The following KDM4B variants were observed in gnomAD, a reference collection of about 807,000 sequenced individuals.
KDM4B encodes the protein lysine-specific demethylase 4B.
In KDM4B, 32 loss-of-function variants were observed where a neutral mutation model predicts 125.2. That is an observed-to-expected ratio of 0.26 (90% CI 0.19 to 0.34). The LOEUF (loss-of-function observed/expected upper bound fraction) is 0.34. KDM4B is among the 10% of genes least tolerant of loss of function. The pLI, the probability that KDM4B is intolerant of heterozygous loss-of-function variation, is 1.00. For missense variants in KDM4B, 1,190 were observed against 1,577.7 expected (o/e 0.75, Z 4.16); for synonymous variants, 721 against 677.9 (o/e 1.06, Z -0.99).
intron 1 of KDM4B, among the ~76,000 whole-genome samples, chr19:5,011,633 C>T (rs894372158): frequency 8.5e-5 from 13 of 152,180 alleles, no homozygotes; most frequent in African/African-American, 1.9e-4. Flanking sequence ...CAGGCAACCT[C>T]GCCAGGCGTG....
intron 10 of KDM4B, 57 bp downstream of exon 10, chr19:5,110,875 T>C: frequency 7.0e-7 from 1 of 1,435,628 alleles, no homozygotes; most frequent in Admixed American, 2.3e-5. Flanking sequence ...GTGGCCCTGC[T>C]GGGTGGCCCA....
chr19:5,064,292 C>T (rs2037697904), intron 6 of KDM4B, among the ~76,000 whole-genome samples: 1 of 152,248 alleles, frequency 6.6e-6, no homozygotes. Flanking sequence ...CTCTGCCTCC[C>T]TCATTCTGTG....
At position 5,082,362 on chromosome 19, in the gene KDM4B, T is replaced by C; in HGVS notation, c.781-5T>C. Reference sequence around the variant, plus strand: ...TGCCCTCACCTGTCTCCTTTCCCTCTGCAGATCACGCAGGAGGCCGGGGAA... The same window carrying C: ...TGCCCTCACCTGTCTCCTTTCCCTCCGCAGATCACGCAGGAGGCCGGGGAA... On this transcript the variant is annotated splice_region_variant and splice_polypyrimidine_tract_variant and intron_variant, in intron 8 of 22. Coordinates refer to ENST00000159111, the MANE Select transcript of KDM4B (RefSeq NM_015015.3). This position sits in a 1 kb window ranked among gnomAD's most constrained non-coding sequence, Gnocchi z 5.4. 1 of 1,613,436 alleles carries C rather than the reference T, an allele frequency of 6.2e-7. No individual in the cohort carries two copies. The highest frequency in any genetic ancestry group is 1.3e-5 in the African/African-American group (1 of 75,012).
chr19:5,043,362 T>TGTCC (rs1249449951), intron 5 of KDM4B, among the ~76,000 whole-genome samples: 4 of 141,858 alleles, frequency 2.8e-5, no homozygotes, highest in Non-Finnish European at 6.1e-5. Flanking sequence ...GGAGTGGGGG[T>TGTCC]GTCCACCTTA....
Position 5,135,412 on chromosome 19 carries a change from G to C in KDM4B, c.2159G>C (p.Ser720Thr). The C allele has an allele frequency of 6.2e-7, 1 of 1,613,692 alleles. No individual in the cohort carries two copies. Among genetic ancestry groups the C allele is most frequent in the South Asian group, 1.1e-5 (1 of 91,088 alleles). Residue 720 changes from serine to threonine, a missense_variant, in exon 15 of 23, where the codon AGC becomes ACC. Physicochemically the swap from Ser to Thr is moderately conservative, Grantham distance 58. Around this residue, in one of 7 missense-constraint regions of KDM4B, gnomAD observed 128 missense variants for 137.8 expected, o/e 0.93. Transcript: ENST00000159111. ...TGCCCGGCCACATTACCCTCCAAAAGCCGTCAGAAGACCCGACCGCTCATC... is the reference window on the plus strand; with the variant it reads ...TGCCCGGCCACATTACCCTCCAAAACCCGTCAGAAGACCCGACCGCTCATC... ...EGCPATLPSK[S>T]RQKTRPLIPE...
In KDM4B at chr19:5,023,702, TC is replaced by T. The variant is rs777547469; in HGVS notation, c.-26+7365del. ...GAGGGCTCGAGGGAGCCCCCACACT[TC>T]CTACCCACAGAGGAGGGCCTGATAC... On this transcript the variant is annotated intron_variant, in intron 2 of 22. Coordinates refer to ENST00000159111, the MANE Select transcript of KDM4B (RefSeq NM_015015.3). Among the ~76,000 whole-genome samples the T allele has an allele frequency of 1.2e-4, 18 of 151,388 alleles. No homozygotes were observed. In the South Asian group the frequency reaches 2.3e-3, roughly 19 times the overall value.
At chr19:5,014,553 G>A (rs1013814029) in intron 1 of KDM4B, among the ~76,000 whole-genome samples, 1 of 152,100 alleles carries the variant, frequency 6.6e-6, no homozygotes, top group Non-Finnish European at 1.5e-5. Flanking sequence ...GGGATTACAG[G>A]CGTGAGCCAC....
intron 6 of KDM4B, among the ~76,000 whole-genome samples, chr19:5,054,296 G>C (rs770485532): frequency 9.2e-5 from 14 of 152,154 alleles, no homozygotes; most frequent in Non-Finnish European, 2.1e-4. Context: ...GCCTGGGCTG[G>C]TCTCGAACTC....
Position 5,114,322 on chromosome 19 carries a change from T to G in KDM4B, c.1115+3504T>G. 2.1e-6 allele frequency: 2 copies of G among 970,168 alleles called. No individual in the cohort carries two copies. The highest frequency in any genetic ancestry group is 2.9e-6 in the Non-Finnish European group (2 of 696,874). The allele number at this position is 970,168 out of a possible 1,614,324, so 60.1% of individuals were successfully genotyped here. A position where few individuals can be genotyped will look rare whatever the true frequency, so the allele number is the denominator to read the frequency against. ...GGCTGGGCCCAGGCCTCGTCTCCCC[T>G]ACCCCTCCGAGCTCGGTGCTGCCTG... On this transcript the variant is annotated intron_variant, in intron 10 of 22. Coordinates refer to ENST00000159111, the MANE Select transcript of KDM4B (RefSeq NM_015015.3). The surrounding 1 kb of genome is among the most constrained non-coding windows in gnomAD (Gnocchi z 5.8).
chr19:5,116,886 A>G (rs992812997), intron 10 of KDM4B, among the ~76,000 whole-genome samples: 10 of 152,194 alleles, frequency 6.6e-5, no homozygotes, highest in African/African-American at 2.4e-4. Context: ...AAGGATGGCC[A>G]CACCCTCAAC....
At chr19:4,991,890 A>G (rs1032804008) in intron 1 of KDM4B, among the ~76,000 whole-genome samples, 5 of 152,172 alleles carry the variant, frequency 3.3e-5, no homozygotes, top group Admixed American at 1.3e-4. Flanking sequence ...TTCGCTTGCA[A>G]TCTGTCGAAG....
intron 1 of KDM4B, among the ~76,000 whole-genome samples, chr19:5,015,851 C>T (rs533936309): frequency 6.6e-6 from 1 of 152,246 alleles, no homozygotes; most frequent in Non-Finnish European, 1.5e-5. Flanking sequence ...CCTCTCTCCC[C>T]GTGCTCTGCC....
At chr19:4,985,241 T>G (rs1374589665) in intron 1 of KDM4B, among the ~76,000 whole-genome samples, 1 of 152,102 alleles carries the variant, frequency 6.6e-6, no homozygotes, top group African/African-American at 2.4e-5. Flanking sequence ...GGAGAATCTC[T>G]TGAGCCTGTG....
At chr19:4,982,644 A>G (rs1379512105) in intron 1 of KDM4B, among the ~76,000 whole-genome samples, 4 of 146,658 alleles carry the variant, frequency 2.7e-5, no homozygotes, top group African/African-American at 7.6e-5. Flanking sequence ...GCGGAGTCTC[A>G]CTGTGTCAAC....
At chr19:4,980,045 C>A (rs1172783189) in intron 1 of KDM4B, among the ~76,000 whole-genome samples, 1 of 152,008 alleles carries the variant, frequency 6.6e-6, no homozygotes, top group Non-Finnish European at 1.5e-5. Flanking sequence ...GCGGAGGCTG[C>A]AGTGAGCTGA....
intron 5 of KDM4B, among the ~76,000 whole-genome samples, chr19:5,043,534 G>T (rs1385688658): frequency 2.2e-4 from 32 of 143,612 alleles, no homozygotes; most frequent in Non-Finnish European, 3.2e-4. Context: ...CATATCCTAC[G>T]TGGTGTTTAT....
rs1197524678 is a variant in KDM4B, at chr19:5,142,608, G to T, written c.2551-1359G>T. Among the ~76,000 whole-genome samples, 1 of 152,008 alleles carries T rather than the reference G, an allele frequency of 6.6e-6. No homozygotes were observed. The highest frequency in any genetic ancestry group is 2.4e-5 in the African/African-American group (1 of 41,402). Reference sequence around the variant, plus strand: ...GCCTGTGGGTGACGTGTTCAAGACGGCTCAGCAACCCCACCTGACAGTGTC... The same window carrying T: ...GCCTGTGGGTGACGTGTTCAAGACGTCTCAGCAACCCCACCTGACAGTGTC... On this transcript the variant is annotated intron_variant, in intron 18 of 22. Coordinates refer to ENST00000159111, the MANE Select transcript of KDM4B (RefSeq NM_015015.3). This position sits in a 1 kb window ranked among gnomAD's most constrained non-coding sequence, Gnocchi z 5.4.
At chr19:5,053,752 CCCCAGGCCCAGTG>C (rs2037305492) in intron 6 of KDM4B, among the ~76,000 whole-genome samples, 1 of 152,242 alleles carries the variant, frequency 6.6e-6, no homozygotes, top group Non-Finnish European at 1.5e-5. Context: ...CAAGTGAGGC[CCCCAGGCCCAGTG>C]CCCAGGCCAG....
intron 3 of KDM4B, among the ~76,000 whole-genome samples, chr19:5,036,670 G>A (rs1328934188): frequency 6.6e-6 from 1 of 152,384 alleles, no homozygotes; most frequent in South Asian, 2.1e-4. Flanking sequence ...CCCCCCAGGA[G>A]CCCCGTGTGA....
Sources: gnomAD v4.1 joint callset for allele counts (sites outside exome capture counted in the v4.1 genomes callset) on GRCh38, gnomAD v4.1.1 for gene constraint, gnomAD v4.1.1 regional missense constraint, Gnocchi (gnomAD v3.1) non-coding constraint, MANE v1.5 for transcripts, NCBI Gene and HGNC (gene_info 2026-07-23, HGNC 2026-07-21) for gene names.